FKBP1A: variants seen among roughly 807,000 people sequenced by gnomAD.
The protein encoded by FKBP1A is FKBP prolyl isomerase 1A.
A neutral mutation model predicts 14.2 loss-of-function variants in FKBP1A; 5 were observed. The observed-to-expected ratio is 0.35, with a 90% confidence interval of 0.18 to 0.74. FKBP1A has a LOEUF of 0.74. Among genes scored for constraint, FKBP1A ranks in the 30% least tolerant of loss-of-function variants. The pLI is 0.56. For synonymous variants in FKBP1A, 42 were observed against 49.1 expected, an observed-to-expected ratio of 0.86 and a Z score of 0.60; for missense variants, 53 against 138.8, an observed-to-expected ratio of 0.38 and a Z score of 3.10.
chr20:1,373,295 C>A (rs889573776), intron 3 of FKBP1A: 1 of 152,198 alleles, frequency 6.6e-6, no homozygotes, highest in African/African-American at 2.4e-5. Context: ...GTTTCATAGG[C>A]ATATCCACAC....
Position 1,386,065 on chromosome 20 carries a change from T to C in FKBP1A, c.85+6769A>G, listed in dbSNP as rs1007364163. On this transcript the variant is annotated intron_variant, in intron 2 of 4. Transcript: ENST00000400137. This position sits in a 1 kb window ranked among gnomAD's most constrained non-coding sequence, Gnocchi z 4.7. ...CTGTGTCTTCTTCACTCCTAAATTC[T>C]TGGTAGCCAGGACAGTGTCTTGTAC... Among the ~76,000 whole-genome samples the C allele has an allele frequency of 1.3e-5, 2 of 152,244 alleles. No individual in the cohort carries two copies. The highest frequency in any genetic ancestry group is 2.9e-5 in the Non-Finnish European group (2 of 68,046).
At chr20:1,375,379 G>T in intron 3 of FKBP1A, 112 bp downstream of exon 3, 1 of 716,364 alleles carries the variant, frequency 1.4e-6, no homozygotes, top group Non-Finnish European at 2.4e-6. Context: ...GGGATGGCAT[G>T]AGGGTGAGAC....
chr20:1,376,062 CT>C (rs2089538798), intron 2 of FKBP1A, among the ~76,000 whole-genome samples: 1 of 152,210 alleles, frequency 6.6e-6, no homozygotes, highest in African/African-American at 2.4e-5. Flanking sequence ...GTATATATTG[CT>C]CCTCCATTGT....
At chr20:1,371,313 C>CA (rs1420680638) in intron 4 of FKBP1A, among the ~76,000 whole-genome samples, 1 of 152,202 alleles carries the variant, frequency 6.6e-6, no homozygotes, top group East Asian at 1.9e-4. Context: ...AATCAACAAA[C>CA]AGGGGCTCTG....
intron 2 of FKBP1A, among the ~76,000 whole-genome samples, chr20:1,390,308 T>G (rs1039659961): frequency 3.6e-4 from 45 of 125,962 alleles, no homozygotes; most frequent in African/African-American, 1.4e-3. Flanking sequence ...CCAAGAAATC[T>G]GAGCCAGATA....
chr20:1,375,242 G>A (rs759996398), intron 3 of FKBP1A: 16 of 572,794 alleles, frequency 2.8e-5, no homozygotes, highest in Non-Finnish European at 4.3e-5. Flanking sequence ...AATGCATTAA[G>A]TGAAAAAGTA....
chr20:1,372,020 C>G, intron 4 of FKBP1A, 56 bp downstream of exon 4: 1 of 1,569,772 alleles, frequency 6.4e-7, no homozygotes, highest in Non-Finnish European at 8.6e-7. Context: ...AAACGCTGGG[C>G]ATAACATGGG....
At chr20:1,377,285 G>A (rs2089557514) in intron 2 of FKBP1A, 1 of 152,222 alleles carries the variant, frequency 6.6e-6, no homozygotes, top group Admixed American at 6.5e-5. Flanking sequence ...AACAAAGTAA[G>A]AAACGGGTGG....
At chr20:1,373,381 A>T (rs1389694712) in intron 3 of FKBP1A, among the ~76,000 whole-genome samples, 4 of 152,214 alleles carry the variant, frequency 2.6e-5, no homozygotes, top group Non-Finnish European at 5.9e-5. Flanking sequence ...AGATGGATGA[A>T]AGAAAGCTGC....
intron 4 of FKBP1A, 135 bp downstream of exon 4, chr20:1,371,941 A>G: frequency 6.9e-7 from 1 of 1,443,610 alleles, no homozygotes; most frequent in Non-Finnish European, 9.1e-7. Flanking sequence ...CTGAAAGGAT[A>G]CTCAATACAG....
intron 2 of FKBP1A, among the ~76,000 whole-genome samples, chr20:1,391,451 C>T (rs564751210): frequency 6.0e-4 from 92 of 152,320 alleles, no homozygotes; most frequent in Middle Eastern, 3.4e-3. Context: ...GGACATGAGA[C>T]TGCCTGCTCC....
intron 2 of FKBP1A, among the ~76,000 whole-genome samples, chr20:1,385,078 C>T (rs961357247): frequency 2.0e-5 from 3 of 152,106 alleles, no homozygotes; most frequent in Non-Finnish European, 4.4e-5. Context: ...CATTATATCG[C>T]ATGGGGAGGG....
chr20:1,377,532 T>C (rs946680621), intron 2 of FKBP1A: 7 of 152,194 alleles, frequency 4.6e-5, no homozygotes, highest in Non-Finnish European at 7.3e-5. Context: ...AAATGACTAA[T>C]GGCAGGACTT....
chr20:1,385,955 C>T (rs2089665151), intron 2 of FKBP1A, among the ~76,000 whole-genome samples: 1 of 152,244 alleles, frequency 6.6e-6, no homozygotes, highest in Admixed American at 6.5e-5. Flanking sequence ...CCCTCCTTAA[C>T]ACTTACTAGC....
intron 3 of FKBP1A, 63 bp downstream of exon 3, chr20:1,375,428 A>G (rs1240931856): frequency 8.4e-7 from 1 of 1,186,200 alleles, no homozygotes; most frequent in African/African-American, 1.5e-5. Flanking sequence ...TAAATATGCC[A>G]CCTATAAAAA....
In FKBP1A at chr20:1,369,534, TCC is replaced by T. The variant is rs1170680104; in HGVS notation, c.*573_*574del. 1 of 167,536 alleles carries T rather than the reference TCC, an allele frequency of 6.0e-6. No homozygotes were observed. Among genetic ancestry groups the T allele is most frequent in the Non-Finnish European group, 1.5e-5 (1 of 68,462 alleles). 10.4% of individuals were successfully genotyped at this position (167,536 alleles called of 1,614,324 possible). ...GTGGGAATGGTGGAGGCAAAGGCTC[TCC>T]CCATCCCCACCTCAGTTTTAGGTAG... On this transcript the variant is annotated 3_prime_UTR_variant, in exon 5 of 5. Coordinates refer to ENST00000400137, the MANE Select transcript of FKBP1A (RefSeq NM_000801.5).
At chr20:1,370,825 G>A (rs2122650295) in intron 4 of FKBP1A, 3 of 985,390 alleles carry the variant, frequency 3.0e-6, no homozygotes, top group Non-Finnish European at 3.6e-6. Context: ...TTCAAAAAAT[G>A]ACTCAGCTCT....
intron 2 of FKBP1A, chr20:1,377,736 C>G (rs560701575): frequency 6.6e-6 from 1 of 152,170 alleles, no homozygotes; most frequent in Non-Finnish European, 1.5e-5. Context: ...AGGCAGGGAG[C>G]CTTTCCATCC....
intron 2 of FKBP1A, among the ~76,000 whole-genome samples, chr20:1,387,644 G>C (rs907699064): frequency 6.6e-6 from 1 of 152,122 alleles, no homozygotes; most frequent in Non-Finnish European, 1.5e-5. Flanking sequence ...CCAGGAGTTT[G>C]AGACTAGCCT....
Sources: allele counts gnomAD v4.1 joint callset (sites outside exome capture counted in the v4.1 genomes callset), GRCh38; gene constraint gnomAD v4.1.1; non-coding constraint Gnocchi (gnomAD v3.1); transcripts MANE v1.5; gene names NCBI Gene and HGNC (gene_info 2026-07-23, HGNC 2026-07-21).